Variants in CMIP observed in about 807,000 individuals in gnomAD.
The protein encoded by CMIP is c-Maf inducing protein.
A neutral mutation model predicts 97.3 loss-of-function variants in CMIP; 13 were observed. The observed-to-expected ratio is 0.13, with a 90% CI of 0.09 to 0.21. The LOEUF (loss-of-function observed/expected upper bound fraction) is 0.21, where lower values mean the gene tolerates loss of function less well. Ranked by LOEUF, CMIP falls within the 10% of genes least tolerant of loss-of-function variation. CMIP has a pLI of 1.00. For missense variants in CMIP, 847 were observed against 1,024.9 expected, an observed-to-expected ratio of 0.83 and a Z score of 2.37; for synonymous variants, 538 against 436.3, an observed-to-expected ratio of 1.23 and a Z score of -2.91.
intron 3 of CMIP, among the ~76,000 whole-genome samples, chr16:81,626,376 TGAC>T (rs1370386543): frequency 1.3e-5 from 2 of 150,784 alleles, no homozygotes; most frequent in Non-Finnish European, 3.0e-5. Context: ...GTATGTGTGG[TGAC>T]TATTTTATGA....
chr16:81,500,332 T>C (rs1200033490), intron 1 of CMIP, among the ~76,000 whole-genome samples: 1 of 81,760 alleles, frequency 1.2e-5, no homozygotes, highest in African/African-American at 5.4e-5. Flanking sequence ...CCTCCCTCTG[T>C]CCCTCCCTCC....
intron 1 of CMIP, among the ~76,000 whole-genome samples, chr16:81,504,310 A>G (rs1057317405): frequency 2.0e-5 from 3 of 151,634 alleles, no homozygotes; most frequent in East Asian, 1.9e-4. Context: ...TTGGTGATAG[A>G]GTGAGACTGT....
intron 2 of CMIP, among the ~76,000 whole-genome samples, chr16:81,615,795 G>C (rs1379086768): frequency 1.3e-5 from 2 of 151,986 alleles, no homozygotes; most frequent in Non-Finnish European, 2.9e-5. Flanking sequence ...ACATTACATG[G>C]GTGTGAGTCC....
At position 81,652,042 on chromosome 16, in the gene CMIP, C is replaced by G. The variant is rs925636362; in HGVS notation, c.478-161C>G. On this transcript the variant is annotated intron_variant, in intron 3 of 20. Transcript: ENST00000537098. This position sits in a 1 kb window ranked among gnomAD's most constrained non-coding sequence, Gnocchi z 5.2. ...CCCGTGACTTTGGATGAGACCCTTC[C>G]TCTCTCGGGGTGTCAGTTTCCTTAT... 6.6e-6 allele frequency among the ~76,000 whole-genome samples: 1 copy of G among 152,148 alleles called. No homozygotes were observed. The highest frequency in any genetic ancestry group is 2.4e-5 in the African/African-American group (1 of 41,424).
At chr16:81,602,034 A>G (rs1006761125) in intron 1 of CMIP, among the ~76,000 whole-genome samples, 68 of 152,208 alleles carry the variant, frequency 4.5e-4, no homozygotes, top group African/African-American at 1.6e-3. Context: ...TGGCCTAAGG[A>G]AATAATCCTA....
At chr16:81,624,407 G>C (rs183099192) in intron 3 of CMIP, among the ~76,000 whole-genome samples, 4 of 151,548 alleles carry the variant, frequency 2.6e-5, no homozygotes, top group Non-Finnish European at 5.9e-5. Flanking sequence ...CTGTGGCTGC[G>C]GTGCACATAC....
At chr16:81,665,072 T>A (rs2092588969) in intron 7 of CMIP, 1 of 152,184 alleles carries the variant, frequency 6.6e-6, no homozygotes, top group African/African-American at 2.4e-5. Context: ...TTTGGGGCTC[T>A]CCATGGGATC....
In CMIP at chr16:81,565,842, C is replaced by T. The variant is rs532844602; in HGVS notation, c.301-41725C>T. Reference sequence around the variant, plus strand: ...CGGCGCCGCCTCCTTCAGGATGTGCCGACTCTCACCCAGCTTTTCCCAGCC... The same window carrying T: ...CGGCGCCGCCTCCTTCAGGATGTGCTGACTCTCACCCAGCTTTTCCCAGCC... On this transcript the variant is annotated intron_variant, in intron 1 of 20. Transcript: ENST00000537098. 1.1e-4 allele frequency among the ~76,000 whole-genome samples: 16 copies of T among 152,334 alleles called. No individual in the cohort carries two copies. The East Asian group carries it at 1.2e-3, about 11-fold the overall frequency.
At chr16:81,678,730 G>A (rs530677081) in intron 10 of CMIP, 102 bp downstream of exon 10, 22 of 616,004 alleles carry the variant, frequency 3.6e-5, no homozygotes, top group South Asian at 1.3e-4. Context: ...ACGCAGGGCC[G>A]GGCATGGTAG....
At chr16:81,694,068 CT>C (rs1361845601) in intron 13 of CMIP, among the ~76,000 whole-genome samples, 1 of 152,226 alleles carries the variant, frequency 6.6e-6, no homozygotes, top group Non-Finnish European at 1.5e-5. Context: ...CAGCAGCTGT[CT>C]TTTAGGAGGT....
chr16:81,541,096 ATATAAG>A (rs1263361237), intron 1 of CMIP, among the ~76,000 whole-genome samples: 6 of 151,914 alleles, frequency 3.9e-5, no homozygotes, highest in South Asian at 2.1e-4. Context: ...TGTACTATAT[ATATAAG>A]TATATTATTC....
At chr16:81,578,648 T>A (rs73596491) in intron 1 of CMIP, among the ~76,000 whole-genome samples, 10,384 of 152,300 alleles carry the variant, frequency 0.068, 719 homozygotes, top group African/African-American at 0.17. Flanking sequence ...GTGTGTAGGA[T>A]GTTCTTCCCA....
intron 1 of CMIP, among the ~76,000 whole-genome samples, chr16:81,501,315 T>TCC (rs2089606882): frequency 6.6e-6 from 1 of 152,242 alleles, no homozygotes; most frequent in Non-Finnish European, 1.5e-5. Flanking sequence ...CGTCCTATTT[T>TCC]GGGACTGGTG....
intron 1 of CMIP, among the ~76,000 whole-genome samples, chr16:81,524,563 A>G (rs988899390): frequency 1.3e-5 from 2 of 152,338 alleles, no homozygotes; most frequent in Non-Finnish European, 1.5e-5. Flanking sequence ...ATCATTGCCC[A>G]AGGTATGGCA....
intron 7 of CMIP, among the ~76,000 whole-genome samples, chr16:81,667,714 G>T (rs902529101): frequency 1.4e-5 from 2 of 143,582 alleles, no homozygotes; most frequent in Non-Finnish European, 3.0e-5. Context: ...TTAAATACTT[G>T]TGAGGCAGAG....
intron 1 of CMIP, among the ~76,000 whole-genome samples, chr16:81,460,915 C>T (rs868299810): frequency 2.0e-5 from 3 of 152,128 alleles, no homozygotes; most frequent in Admixed American, 6.6e-5. Context: ...CTTTGATGCC[C>T]TGTTGTATGT....
At chr16:81,541,429 C>T (rs954616396) in intron 1 of CMIP, among the ~76,000 whole-genome samples, 38 of 152,272 alleles carry the variant, frequency 2.5e-4, no homozygotes, top group African/African-American at 7.0e-4. Flanking sequence ...ATTTCATAGG[C>T]CCAGCCAGTC....
chr16:81,522,425 G>A (rs1436388929), intron 1 of CMIP, among the ~76,000 whole-genome samples: 2 of 152,236 alleles, frequency 1.3e-5, no homozygotes, highest in East Asian at 3.8e-4. Flanking sequence ...GGCCAGAGGG[G>A]TGTCTTCTGG....
intron 3 of CMIP, among the ~76,000 whole-genome samples, chr16:81,644,307 C>G (rs1395631481): frequency 1.3e-5 from 2 of 152,120 alleles, no homozygotes; most frequent in East Asian, 3.9e-4. Context: ...AAAATTGTAG[C>G]CAAAGCACCG....
Sources: allele counts gnomAD v4.1 joint callset (sites outside exome capture counted in the v4.1 genomes callset), GRCh38; gene constraint gnomAD v4.1.1; non-coding constraint Gnocchi (gnomAD v3.1); transcripts MANE v1.5; gene names NCBI Gene and HGNC (gene_info 2026-07-23, HGNC 2026-07-21).